TTLL11: variants seen among roughly 807,000 people sequenced by gnomAD.
TTLL11 encodes tubulin tyrosine ligase like 11.
Under a neutral mutation model 51.7 loss-of-function variants are expected in TTLL11, and 42 were observed. That is an observed-to-expected ratio of 0.81 (90% CI 0.64 to 1.05). The LOEUF (loss-of-function observed/expected upper bound fraction) is 1.05. TTLL11 is among the 50% of genes least tolerant of loss of function. TTLL11 has a pLI of 0.00. For synonymous variants in TTLL11, 381 were observed against 383.5 expected, an observed-to-expected ratio of 0.99 and a Z score of 0.08; for missense variants, 799 against 940.4, an observed-to-expected ratio of 0.85 and a Z score of 1.97.
intron 1 of TTLL11, among the ~76,000 whole-genome samples, chr9:122,068,902 C>T (rs1845661680): frequency 6.6e-6 from 1 of 152,186 alleles, no homozygotes; most frequent in Non-Finnish European, 1.5e-5. Context: ...CTCCTTCATG[C>T]TCTGTCCCCT....
At chr9:121,825,323 C>T (rs1420342253) in intron 8 of TTLL11, among the ~76,000 whole-genome samples, 17 of 152,164 alleles carry the variant, frequency 1.1e-4, no homozygotes, top group Admixed American at 1.1e-3. Context: ...TACTTCCCAA[C>T]GGTGTGATCT....
At chr9:122,031,243 C>G (rs1844530894) in intron 3 of TTLL11, among the ~76,000 whole-genome samples, 1 of 152,218 alleles carries the variant, frequency 6.6e-6, no homozygotes, top group South Asian at 2.1e-4. Context: ...GGTCACTTGA[C>G]AATTGATTCT....
At chr9:121,837,059 A>G (rs1837199184) in intron 8 of TTLL11, among the ~76,000 whole-genome samples, 2 of 152,200 alleles carry the variant, frequency 1.3e-5, no homozygotes, top group African/African-American at 4.8e-5. Flanking sequence ...CACAATTTTA[A>G]CCATGCCTTG....
chr9:121,907,326 T>G (rs916128387), intron 6 of TTLL11, among the ~76,000 whole-genome samples: 3 of 151,948 alleles, frequency 2.0e-5, no homozygotes, highest in Non-Finnish European at 2.9e-5. Flanking sequence ...GGTGCATGCC[T>G]GTAATCTCAG....
intron 7 of TTLL11, 83 bp from the exon 8 acceptor site, chr9:121,860,526 ATGTT>A: frequency 9.0e-7 from 1 of 1,106,008 alleles, no homozygotes; most frequent in Non-Finnish European, 1.3e-6. Context: ...TAGGGACTGA[ATGTT>A]TGTCCTCCCC....
intron 6 of TTLL11, among the ~76,000 whole-genome samples, chr9:121,943,434 C>T (rs554966451): frequency 6.6e-6 from 1 of 152,258 alleles, no homozygotes; most frequent in East Asian, 1.9e-4. Flanking sequence ...AAAGACTCAC[C>T]ACTTCCCCCA....
rs1158920362 is a variant in TTLL11, at chr9:122,030,204, G to GC, written c.693+1518_693+1519insG. Among the ~76,000 whole-genome samples, 16 of 106,592 alleles carry GC rather than the reference G, an allele frequency of 1.5e-4. 1 individual carries two copies. Among genetic ancestry groups the GC allele is most frequent in the Admixed American group, 5.3e-4 (6 of 11,330 alleles). 69.9% of individuals were successfully genotyped at this position (106,592 alleles called of 152,430 possible). A position where few individuals can be genotyped will look rare whatever the true frequency, so the allele number is the denominator to read the frequency against. On this transcript the variant is annotated intron_variant, in intron 3 of 8. Coordinates refer to ENST00000321582, the MANE Select transcript of TTLL11 (RefSeq NM_001139442.2). Reference sequence around the variant, plus strand: ...GCAGAGCCACAGAAGAGAGACATTGGGGGGGGGGGGGTAATTATGAGGAAC... The same window carrying GC: ...GCAGAGCCACAGAAGAGAGACATTGGCGGGGGGGGGGGTAATTATGAGGAAC...
At chr9:122,092,223 T>C (rs1000608098) in intron 1 of TTLL11, among the ~76,000 whole-genome samples, 22 of 152,156 alleles carry the variant, frequency 1.4e-4, no homozygotes, top group African/African-American at 5.3e-4. Context: ...CACAGCTAAG[T>C]AGCAAAGTGT....
intron 3 of TTLL11, among the ~76,000 whole-genome samples, chr9:122,024,586 G>T (rs1052881577): frequency 5.3e-5 from 8 of 152,170 alleles, no homozygotes; most frequent in Non-Finnish European, 8.8e-5. Context: ...GAGACAAATA[G>T]ATCAAAGACA....
At chr9:121,883,530 A>T (rs1312153727) in intron 6 of TTLL11, among the ~76,000 whole-genome samples, 7 of 152,192 alleles carry the variant, frequency 4.6e-5, no homozygotes. Flanking sequence ...TCCTATCAAG[A>T]TTAGATTTTT....
At chr9:122,025,061 T>G (rs1844290536) in intron 3 of TTLL11, among the ~76,000 whole-genome samples, 1 of 152,020 alleles carries the variant, frequency 6.6e-6, no homozygotes, top group African/African-American at 2.4e-5. Flanking sequence ...AGGCACAGAC[T>G]GGAAGAAAAT....
chr9:122,010,602 G>A lies in TTLL11; in HGVS notation c.694-20832C>T, dbSNP rs968455829. On this transcript the variant is annotated intron_variant, in intron 3 of 8. Transcript: ENST00000321582. ...AGTTTGCCATCCTCTGCAATGGAGGGACATCTAACCATTAGTTATGCTGCT... is the reference window on the plus strand; with the variant it reads ...AGTTTGCCATCCTCTGCAATGGAGGAACATCTAACCATTAGTTATGCTGCT... Among the ~76,000 whole-genome samples, 6 of 152,284 alleles carry A rather than the reference G, an allele frequency of 3.9e-5. No individual in the cohort carries two copies. In the South Asian group the frequency reaches 1.2e-3, roughly 32 times the overall value.
In TTLL11 at chr9:121,989,128, G is replaced by A. The variant is rs148276492; in HGVS notation, c.1269+67C>T. 2.3e-5 allele frequency: 37 copies of A among 1,580,392 alleles called. No individual in the cohort carries two copies. Among genetic ancestry groups the A allele is most frequent in the East Asian group, 1.1e-4 (5 of 44,562 alleles). ...CCCACCCCGATCACTCATCCTACACGAAGCCAGAGAGCCCTCTTGAGGCCG... is the reference window on the plus strand; with the variant it reads ...CCCACCCCGATCACTCATCCTACACAAAGCCAGAGAGCCCTCTTGAGGCCG... On this transcript the variant is annotated intron_variant, in intron 4 of 8. Transcript: ENST00000321582. The surrounding 1 kb of genome is among the most constrained non-coding windows in gnomAD (Gnocchi z 4.2).
At chr9:121,857,446 C>T (rs1320045337) in intron 8 of TTLL11, among the ~76,000 whole-genome samples, 1 of 152,182 alleles carries the variant, frequency 6.6e-6, no homozygotes, top group East Asian at 1.9e-4. Context: ...AGACAAGTCA[C>T]TTTTGCTCTT....
chr9:122,058,232 G>A (rs773302983), intron 1 of TTLL11, among the ~76,000 whole-genome samples: 3 of 152,242 alleles, frequency 2.0e-5, no homozygotes, highest in African/African-American at 4.8e-5. Flanking sequence ...GCCTAGCCCA[G>A]TGCCTGGGAG....
At chr9:121,868,569 G>A (rs1419905646) in intron 7 of TTLL11, among the ~76,000 whole-genome samples, 1 of 152,076 alleles carries the variant, frequency 6.6e-6, no homozygotes, top group African/African-American at 2.4e-5. Flanking sequence ...GCCCTCTTGT[G>A]ACCATAAGAC....
chr9:121,996,629 A>G (rs1261257755), intron 3 of TTLL11, among the ~76,000 whole-genome samples: 1 of 152,268 alleles, frequency 6.6e-6, no homozygotes, highest in East Asian at 1.9e-4. Flanking sequence ...TAGGGAAAGT[A>G]TGTGAAAACC....
At chr9:121,914,724 G>A (rs574257810) in intron 6 of TTLL11, among the ~76,000 whole-genome samples, 112 of 152,314 alleles carry the variant, frequency 7.4e-4, no homozygotes, top group African/African-American at 2.5e-3. Context: ...CTCCTGCAGA[G>A]TCGCAGATGC....
Position 121,816,495 on chromosome 9 carries a change from G to C in TTLL11, c.*6092C>G, listed in dbSNP as rs1252846476. 1 of 152,240 alleles carries C rather than the reference G, an allele frequency of 6.6e-6. No homozygotes were observed. The highest frequency in any genetic ancestry group is 2.4e-5 in the African/African-American group (1 of 41,458). 9.4% of individuals were successfully genotyped at this position (152,240 alleles called of 1,614,324 possible). On this transcript the variant is annotated 3_prime_UTR_variant, in exon 9 of 9. Transcript: ENST00000321582. Reference sequence around the variant, plus strand: ...AATCACCAGAAATGAGAAAAACATCGTAATTTTGCCATTTTCTACCAAAGC... The same window carrying C: ...AATCACCAGAAATGAGAAAAACATCCTAATTTTGCCATTTTCTACCAAAGC...
Sources: allele counts gnomAD v4.1 joint callset (sites outside exome capture counted in the v4.1 genomes callset), GRCh38; gene constraint gnomAD v4.1.1; non-coding constraint Gnocchi (gnomAD v3.1); transcripts MANE v1.5; gene names NCBI Gene and HGNC (gene_info 2026-07-23, HGNC 2026-07-21).